The following PAX2 variants were observed in gnomAD, a reference collection of about 807,000 sequenced individuals.
PAX2 encodes the protein paired box 2.
A neutral mutation model predicts 41.7 loss-of-function variants in PAX2; 9 were observed. That is an observed-to-expected ratio of 0.22 (90% CI 0.13 to 0.38). The LOEUF (loss-of-function observed/expected upper bound fraction) is 0.38. Among genes scored for constraint, PAX2 ranks in the 10% least tolerant of loss-of-function variants. The pLI is 1.00. For synonymous variants in PAX2, 221 were observed against 212.7 expected (o/e 1.04, Z -0.34); for missense variants, 418 against 531.6 (o/e 0.79, Z 2.10).
At chr10:100,803,198 G>A (rs1478179143) in intron 5 of PAX2, among the ~76,000 whole-genome samples, 1 of 152,144 alleles carries the variant, frequency 6.6e-6, no homozygotes, top group Non-Finnish European at 1.5e-5. Context: ...AGTAGAGCCA[G>A]CTGGTTTTAT....
chr10:100,754,295 A>G (rs537797691), intron 3 of PAX2, among the ~76,000 whole-genome samples: 5 of 152,146 alleles, frequency 3.3e-5, no homozygotes, highest in South Asian at 2.1e-4. Context: ...ACAGACCCCA[A>G]ATAGAGTCTG....
intron 7 of PAX2, among the ~76,000 whole-genome samples, chr10:100,810,428 T>G (rs1847952557): frequency 6.6e-6 from 1 of 152,096 alleles, no homozygotes; most frequent in Non-Finnish European, 1.5e-5. Context: ...GAGTCAGAGG[T>G]TGAATTCTAG....
Position 100,748,679 on chromosome 10 carries a change from G to C in PAX2, c.44-1067G>C, listed in dbSNP as rs1845305818. The C allele has an allele frequency of 1.0e-6, 1 of 985,358 alleles. No homozygotes were observed. Among genetic ancestry groups the C allele is most frequent in the African/African-American group, 1.7e-5 (1 of 57,258 alleles). 61.0% of individuals were successfully genotyped at this position (985,358 alleles called of 1,614,324 possible). ...GAAGCACCCTCAGGCCTGGCACCCAGTGGCCGCCTCGGTTCCGAGATCGGG... is the reference window on the plus strand; with the variant it reads ...GAAGCACCCTCAGGCCTGGCACCCACTGGCCGCCTCGGTTCCGAGATCGGG... On this transcript the variant is annotated intron_variant, in intron 1 of 9. Coordinates refer to ENST00000355243, the MANE Select transcript of PAX2 (RefSeq NM_000278.5). This position sits in a 1 kb window ranked among gnomAD's most constrained non-coding sequence, Gnocchi z 5.0.
intron 3 of PAX2, among the ~76,000 whole-genome samples, chr10:100,762,481 G>A (rs1452096443): frequency 6.6e-6 from 1 of 152,102 alleles, no homozygotes; most frequent in Non-Finnish European, 1.5e-5. Flanking sequence ...TTAGTGCCGT[G>A]ATCCCTTGAT....
chr10:100,789,171 A>T (rs1450998492), intron 5 of PAX2, among the ~76,000 whole-genome samples: 2 of 152,184 alleles, frequency 1.3e-5, no homozygotes, highest in Non-Finnish European at 2.9e-5. Context: ...CAATGGCAAG[A>T]TCTCAGCTCA....
At chr10:100,749,172 A>C (rs1405507277) in intron 1 of PAX2, 10 of 986,062 alleles carry the variant, frequency 1.0e-5, no homozygotes, top group Non-Finnish European at 1.2e-5. Flanking sequence ...TTCCGATTAC[A>C]ATTTAATACT....
chr10:100,789,708 A>T (rs1413037858), intron 5 of PAX2, among the ~76,000 whole-genome samples: 5 of 152,346 alleles, frequency 3.3e-5, no homozygotes, highest in African/African-American at 9.6e-5. Flanking sequence ...AGGGGGAAAA[A>T]AAACTCATTT....
At chr10:100,777,527 TA>T (rs1325072287) in intron 3 of PAX2, among the ~76,000 whole-genome samples, 3 of 151,966 alleles carry the variant, frequency 2.0e-5, no homozygotes, top group African/African-American at 7.3e-5. Flanking sequence ...CCTGAATAGC[TA>T]AGATTACAGG....
Position 100,804,536 on chromosome 10 carries a change from G to A in PAX2, c.617-1894G>A, listed in dbSNP as rs1415872287. On this transcript the variant is annotated intron_variant, in intron 5 of 9. Coordinates refer to ENST00000355243, the MANE Select transcript of PAX2 (RefSeq NM_000278.5). ...GGGAGAATCAAACACAATAGGACAC[G>A]CAAATAGCTACAGGGAGTGAAATGA... Among the ~76,000 whole-genome samples, 11 of 152,104 alleles carry A rather than the reference G, an allele frequency of 7.2e-5. No individual in the cohort carries two copies. In the South Asian group the frequency reaches 2.1e-3, roughly 29 times the overall value.
At chr10:100,769,669 T>TAAAATAAAATAAAATAAAAA (rs1846145046) in intron 3 of PAX2, among the ~76,000 whole-genome samples, 1 of 143,180 alleles carries the variant, frequency 7.0e-6, no homozygotes, top group African/African-American at 2.5e-5. Flanking sequence ...TAAAATAAAA[T>TAAAATAAAATAAAATAAAAA]AAAAAAATAA....
chr10:100,765,485 G>A (rs781332537), intron 3 of PAX2, among the ~76,000 whole-genome samples: 1 of 152,184 alleles, frequency 6.6e-6, no homozygotes, highest in East Asian at 1.9e-4. Context: ...TTCATTATTC[G>A]TCATTTATGC....
At chr10:100,781,100 G>A in intron 4 of PAX2, 146 bp from the exon 5 acceptor site, 1 of 809,750 alleles carries the variant, frequency 1.2e-6, no homozygotes. Context: ...AGACCCCAGA[G>A]GAAGTAGAGG....
At chr10:100,814,836 G>A (rs754316299) in intron 7 of PAX2, among the ~76,000 whole-genome samples, 6 of 152,250 alleles carry the variant, frequency 3.9e-5, no homozygotes, top group Non-Finnish European at 7.3e-5. Context: ...AAGAGATGTG[G>A]ATGCTGCCCA....
chr10:100,741,003 C>G (rs371313614), upstream of PAX2, among the ~76,000 whole-genome samples: 40 of 152,366 alleles, frequency 2.6e-4, no homozygotes, highest in East Asian at 5.6e-3. Context: ...GCCCGTGCCA[C>G]TAAGAGGCAG....
chr10:100,743,891 A>G (rs1192494698), upstream of PAX2, among the ~76,000 whole-genome samples: 3 of 152,204 alleles, frequency 2.0e-5, no homozygotes, highest in Admixed American at 2.0e-4. Context: ...TGGGAGGGGC[A>G]GGCGGTGAGG....
At chr10:100,747,967 A>G (rs1845264207) in intron 1 of PAX2, 1 of 983,244 alleles carries the variant, frequency 1.0e-6, no homozygotes, top group South Asian at 4.7e-5. Flanking sequence ...TGCACGGCCA[A>G]GCAGAGGTCG....
At chr10:100,820,569 A>G (rs1218265861) in intron 7 of PAX2, among the ~76,000 whole-genome samples, 1 of 152,208 alleles carries the variant, frequency 6.6e-6, no homozygotes, top group Admixed American at 6.5e-5. Context: ...AAATACAAAA[A>G]TTAGACGGGC....
At chr10:100,738,002 T>C (rs982196975) in intron 1 of PAX2, among the ~76,000 whole-genome samples, 1 of 152,262 alleles carries the variant, frequency 6.6e-6, no homozygotes, top group Non-Finnish European at 1.5e-5. Context: ...TATCGCTGCC[T>C]ATACCCCCAG....
intron 5 of PAX2, among the ~76,000 whole-genome samples, chr10:100,795,257 A>C (rs1386973133): frequency 6.6e-6 from 1 of 152,242 alleles, no homozygotes; most frequent in Admixed American, 6.5e-5. Context: ...AGTGCCTGCT[A>C]TGTACAAAGT....
Sources: gnomAD v4.1 joint callset for allele counts (sites outside exome capture counted in the v4.1 genomes callset) on GRCh38, gnomAD v4.1.1 for gene constraint, Gnocchi (gnomAD v3.1) non-coding constraint, MANE v1.5 for transcripts, NCBI Gene and HGNC (gene_info 2026-07-23, HGNC 2026-07-21) for gene names.